Variants in B4GALNT3 observed in about 807,000 individuals in gnomAD.
B4GALNT3 encodes the protein beta-1,4-N-acetyl-galactosaminyltransferase 3.
Under a neutral mutation model 120.2 loss-of-function variants are expected in B4GALNT3, and 86 were observed. The observed-to-expected ratio is 0.72, with a 90% CI of 0.60 to 0.86. The LOEUF is 0.86. Ranked by LOEUF, B4GALNT3 falls within the 40% of genes least tolerant of loss-of-function variation. B4GALNT3 has a pLI of 0.00. For missense variants in B4GALNT3, 1,167 were observed against 1,298.9 expected (o/e 0.90, Z 1.56); for synonymous variants, 518 against 510.4 (o/e 1.01, Z -0.20).
intron 1 of B4GALNT3, among the ~76,000 whole-genome samples, chr12:481,782 G>A (rs1034082017): frequency 6.6e-6 from 1 of 152,144 alleles, no homozygotes. Context: ...CTGCTCTTGG[G>A]GGCATATTCC....
intron 1 of B4GALNT3, among the ~76,000 whole-genome samples, chr12:501,349 GTTA>G (rs1565594910): frequency 6.6e-6 from 1 of 152,154 alleles, no homozygotes; most frequent in Non-Finnish European, 1.5e-5. Flanking sequence ...TAAGGCTACT[GTTA>G]TTATTCTACA....
At chr12:492,345 TA>T (rs886640466) in intron 1 of B4GALNT3, among the ~76,000 whole-genome samples, 14 of 152,278 alleles carry the variant, frequency 9.2e-5, no homozygotes, top group African/African-American at 2.9e-4. Context: ...AATTTGAAAT[TA>T]AAAACTCATT....
chr12:541,725 C>A (rs1260977156), intron 3 of B4GALNT3, among the ~76,000 whole-genome samples: 2 of 152,066 alleles, frequency 1.3e-5, no homozygotes, highest in Non-Finnish European at 2.9e-5. Flanking sequence ...CTGCCTGGGG[C>A]TGCCTGCATC....
chr12:560,087 G>A (rs543612695), intron 19 of B4GALNT3, among the ~76,000 whole-genome samples: 67 of 152,298 alleles, frequency 4.4e-4, no homozygotes, highest in Non-Finnish European at 7.8e-4. Flanking sequence ...AGGCTGTTCC[G>A]TGTGAGGTTC....
At chr12:464,428 G>A (rs10849032) in intron 1 of B4GALNT3, among the ~76,000 whole-genome samples, 61,523 of 151,594 alleles carry the variant, frequency 0.41, 12,618 homozygotes, top group Admixed American at 0.48. Flanking sequence ...TCAGGAGTTC[G>A]AGACCAGCCT....
chr12:483,568 T>G (rs953801645), intron 1 of B4GALNT3, among the ~76,000 whole-genome samples: 4 of 152,122 alleles, frequency 2.6e-5, no homozygotes, highest in African/African-American at 7.2e-5. Context: ...TGTAGTGGTG[T>G]GTGCCTGTGG....
intron 1 of B4GALNT3, among the ~76,000 whole-genome samples, chr12:505,335 C>T (rs544524491): frequency 3.9e-5 from 6 of 152,216 alleles, no homozygotes; most frequent in Non-Finnish European, 8.8e-5. Context: ...GGGACAGTGA[C>T]CACCAGGCCA....
chr12:539,365 C>G (rs1946892595), intron 3 of B4GALNT3, among the ~76,000 whole-genome samples: 1 of 152,088 alleles, frequency 6.6e-6, no homozygotes, highest in Admixed American at 6.5e-5. Flanking sequence ...CAGGCCACTC[C>G]CCAAACCCAA....
chr12:536,227 A>T lies in B4GALNT3; in HGVS notation c.283A>T (p.Ile95Phe), dbSNP rs1946857864. The T allele has an allele frequency of 6.2e-7, 1 of 1,613,918 alleles. No homozygotes were observed. The highest frequency in any genetic ancestry group is 8.5e-7 in the Non-Finnish European group (1 of 1,179,806). ...TTCATTCTTCCCCTAGGACCACGAC[A>T]TTGACCAAGGGGTGAGCAGTAACAG... ...PQRLSLEDHDIDQGVSSNSSY... is the reference protein window; with the variant it reads ...PQRLSLEDHDFDQGVSSNSSY... The change falls in exon 3 of 20, where the codon ATT becomes TTT. Residue 95 changes from isoleucine to phenylalanine, a missense_variant. Ile to Phe is a conservative substitution (Grantham distance 21). Transcript: ENST00000266383.
In B4GALNT3 at chr12:553,901, T is replaced by C; in HGVS notation, c.1978T>C (p.Ser660Pro). Reference protein sequence around the residue: ...TDWIDLSCNTSGNLLLPEQEA... With the variant: ...TDWIDLSCNTPGNLLLPEQEA... ...CTGGATCGATCTGAGCTGTAACACA[T>C]CTGGCAACCTGCTGCTTCCAGAGCA... The change falls in exon 14 of 20, where the codon TCT (serine) becomes CCT (proline). Residue 660 changes from serine to proline, a missense_variant. Ser to Pro is a moderately conservative substitution (Grantham distance 74). Transcript: ENST00000266383. 1 of 1,614,088 alleles carries C rather than the reference T, an allele frequency of 6.2e-7. No homozygotes were observed. The highest frequency in any genetic ancestry group is 8.5e-7 in the Non-Finnish European group (1 of 1,179,972).
At chr12:553,158 A>G in intron 13 of B4GALNT3, 36 bp from the exon 14 acceptor site, 1 of 1,598,574 alleles carries the variant, frequency 6.3e-7, no homozygotes, top group Non-Finnish European at 8.5e-7. Flanking sequence ...AGGGTTGGAA[A>G]CTCTTGACAT....
At chr12:503,229 C>T (rs1204439845) in intron 1 of B4GALNT3, among the ~76,000 whole-genome samples, 1 of 152,158 alleles carries the variant, frequency 6.6e-6, no homozygotes, top group Non-Finnish European at 1.5e-5. Context: ...ATGACCACAG[C>T]CTCCCTGGTT....
chr12:511,915 T>TCCGC (rs1592032454), intron 1 of B4GALNT3, among the ~76,000 whole-genome samples: 1 of 93,862 alleles, frequency 1.1e-5, no homozygotes, highest in South Asian at 4.6e-4. Flanking sequence ...CCTTCGACCT[T>TCCGC]CTTCCACCTT....
At chr12:501,352 A>G (rs1200430809) in intron 1 of B4GALNT3, among the ~76,000 whole-genome samples, 2 of 152,152 alleles carry the variant, frequency 1.3e-5, no homozygotes, top group African/African-American at 4.8e-5. Context: ...GGCTACTGTT[A>G]TTATTCTACA....
In B4GALNT3 at chr12:547,891, A is replaced by C. The variant is rs1484487762; in HGVS notation, c.708-133A>C. On this transcript the variant is annotated intron_variant, in intron 7 of 19. Transcript: ENST00000266383. The stretch of plus-strand genomic sequence containing the variant: ...ATAGAGTGGGGGCTCGAACCTAGGC[A>C]GTTAACTCCTGGCATTCTAAGAGCA... 37 of 731,978 alleles carry C rather than the reference A, an allele frequency of 5.1e-5. No homozygotes were observed. The South Asian group carries it at 5.3e-4, about 11-fold the overall frequency. The allele number at this position is 731,978 out of a possible 1,614,324, so 45.3% of individuals were successfully genotyped here. A position where few individuals can be genotyped will look rare whatever the true frequency, so the allele number is the denominator to read the frequency against.
At chr12:483,160 T>G (rs1946257954) in intron 1 of B4GALNT3, among the ~76,000 whole-genome samples, 1 of 152,122 alleles carries the variant, frequency 6.6e-6, no homozygotes, top group Non-Finnish European at 1.5e-5. Context: ...TCCTACCACC[T>G]CAGTCTCCCA....
chr12:556,403 C>T, intron 14 of B4GALNT3, 144 bp from the exon 15 acceptor site: 1 of 725,214 alleles, frequency 1.4e-6, no homozygotes, highest in Admixed American at 2.8e-5. Flanking sequence ...GCGAATCTTG[C>T]CTGAGGCCCT....
At position 511,346 on chromosome 12, in the gene B4GALNT3, A is replaced by G. The variant is rs1296832997; in HGVS notation, c.170-23820A>G. ...GCCTTCCACCTTCCACCTTCCTTCCACCTTCCACCTTCCACCTTCAACCTT... is the reference window on the plus strand; with the variant it reads ...GCCTTCCACCTTCCACCTTCCTTCCGCCTTCCACCTTCCACCTTCAACCTT... On this transcript the variant is annotated intron_variant, in intron 1 of 19. Coordinates refer to ENST00000266383, the MANE Select transcript of B4GALNT3 (RefSeq NM_173593.4). Among the ~76,000 whole-genome samples the G allele has an allele frequency of 2.8e-4, 13 of 46,622 alleles. No individual in the cohort carries two copies. The Admixed American group carries it at 3.0e-3, about 11-fold the overall frequency. The allele number at this position is 46,622 out of a possible 152,430, so 30.6% of individuals were successfully genotyped here. A position where few individuals can be genotyped will look rare whatever the true frequency, so the allele number is the denominator to read the frequency against.
At chr12:501,989 C>T (rs568388885) in intron 1 of B4GALNT3, among the ~76,000 whole-genome samples, 1 of 152,312 alleles carries the variant, frequency 6.6e-6, no homozygotes, top group East Asian at 1.9e-4. Flanking sequence ...AGGGCCTTCC[C>T]CTCGCCCTTT....
Sources: gnomAD v4.1 joint callset for allele counts (sites outside exome capture counted in the v4.1 genomes callset) on GRCh38, gnomAD v4.1.1 for gene constraint, MANE v1.5 for transcripts, NCBI Gene and HGNC (gene_info 2026-07-23, HGNC 2026-07-21) for gene names.